The following AGTPBP1 variants were observed in gnomAD, a reference collection of about 807,000 sequenced individuals.
AGTPBP1 encodes the protein ATP/GTP binding carboxypeptidase 1.
In AGTPBP1, 70 loss-of-function variants were observed where a neutral mutation model predicts 143.9. The ratio of observed to expected loss-of-function variants is 0.49; its 90% CI spans 0.40 to 0.59. AGTPBP1 has a LOEUF of 0.59. AGTPBP1 is among the 20% of genes least tolerant of loss of function. AGTPBP1 has a pLI of 0.00. For missense variants in AGTPBP1, 1,229 were observed against 1,464.5 expected (o/e 0.84, Z 2.62); for synonymous variants, 463 against 500.2 (o/e 0.93, Z 0.99).
At chr9:85,621,525 C>G (rs1362621905) in intron 14 of AGTPBP1, among the ~76,000 whole-genome samples, 3 of 129,606 alleles carry the variant, frequency 2.3e-5, no homozygotes, top group Non-Finnish European at 4.5e-5. Flanking sequence ...CAAGTCCAAT[C>G]ATTTAAAAAA....
upstream of AGTPBP1, among the ~76,000 whole-genome samples, chr9:85,745,548 G>A (rs534605759): frequency 2.6e-5 from 4 of 152,324 alleles, no homozygotes; most frequent in East Asian, 1.9e-4. Flanking sequence ...TAGTACAAAC[G>A]ACCAGAGCTG....
the AGTPBP1 span, among the ~76,000 whole-genome samples, chr9:85,804,657 G>C: frequency 6.6e-6 from 1 of 152,216 alleles, no homozygotes; most frequent in Non-Finnish European, 1.5e-5. Flanking sequence ...GCTGGGTGCC[G>C]GCTCTGCCGT....
intron 1 of AGTPBP1, among the ~76,000 whole-genome samples, chr9:85,718,809 A>C (rs1032710547): frequency 6.6e-6 from 1 of 152,152 alleles, no homozygotes; most frequent in Admixed American, 6.5e-5. Flanking sequence ...TAGGTCTTAC[A>C]CTTAAGTCTT....
intron 17 of AGTPBP1, among the ~76,000 whole-genome samples, chr9:85,597,126 AT>A (rs929422217): frequency 4.0e-5 from 6 of 151,102 alleles, no homozygotes; most frequent in Non-Finnish European, 7.4e-5. Context: ...GGATAGAGTC[AT>A]TTTTTTTTCC....
At chr9:85,795,164 G>A in the AGTPBP1 span, among the ~76,000 whole-genome samples, 4 of 152,084 alleles carry the variant, frequency 2.6e-5, no homozygotes, top group African/African-American at 9.7e-5. Context: ...TTTATTTCTA[G>A]GTTAAGGGTG....
chr9:85,734,332 A>G (rs566155077), intron 1 of AGTPBP1, among the ~76,000 whole-genome samples: 5 of 142,980 alleles, frequency 3.5e-5, no homozygotes, highest in African/African-American at 1.3e-4. Flanking sequence ...CAAAATACTT[A>G]AAAAAAAAAA....
intron 24 of AGTPBP1, among the ~76,000 whole-genome samples, chr9:85,576,396 GTTAC>G (rs1827903551): frequency 6.6e-6 from 1 of 152,074 alleles, no homozygotes; most frequent in African/African-American, 2.4e-5. Context: ...TTTAACAACT[GTTAC>G]TTACTCTACA....
At position 85,566,529 on chromosome 9, in the gene AGTPBP1, C is replaced by CAAA. The variant is rs72129899; in HGVS notation, c.3503+8783_3503+8785dup. 5.4e-4 allele frequency among the ~76,000 whole-genome samples: 42 copies of CAAA among 78,482 alleles called. 2 individuals carry two copies. Among genetic ancestry groups the CAAA allele is most frequent in the East Asian group, 1.1e-3 (3 of 2,616 alleles). The allele number at this position is 78,482 out of a possible 152,430, so 51.5% of individuals were successfully genotyped here. On this transcript the variant is annotated intron_variant, in intron 25 of 25. Transcript: ENST00000357081. ...TGGGCAACAGATCAAGACCATGTCT[C>CAAA]AAAAAAAAAAAAAAAAAAAAGGCTG...
chr9:85,583,471 G>C (rs1033194340), intron 23 of AGTPBP1, among the ~76,000 whole-genome samples: 1 of 152,108 alleles, frequency 6.6e-6, no homozygotes, highest in Admixed American at 6.6e-5. Context: ...CACAACTACT[G>C]GTGAGGGGAG....
chr9:85,681,169 A>G lies in AGTPBP1; in HGVS notation c.225+99T>C, dbSNP rs1835146463. 8.5e-6 allele frequency: 9 copies of G among 1,059,224 alleles called. No homozygotes were observed. In the South Asian group the frequency reaches 1.2e-4, roughly 15 times the overall value. The allele number at this position is 1,059,224 out of a possible 1,614,324, so 65.6% of individuals were successfully genotyped here. On this transcript the variant is annotated intron_variant, in intron 4 of 25. Coordinates refer to ENST00000357081, the MANE Select transcript of AGTPBP1 (RefSeq NM_001330701.2). ...TGTGTGTGTATATATGTACGTGTGT[A>G]TGTGTTTCTGTGTGTATTTATACAC...
upstream of AGTPBP1, among the ~76,000 whole-genome samples, chr9:85,745,861 T>A (rs1246822642): frequency 6.6e-6 from 1 of 152,152 alleles, no homozygotes; most frequent in Non-Finnish European, 1.5e-5. Flanking sequence ...TTCTCTTTAA[T>A]GAAAAGCAGC....
chr9:85,682,621 CA>C (rs910645690), intron 3 of AGTPBP1, among the ~76,000 whole-genome samples: 4 of 152,300 alleles, frequency 2.6e-5, no homozygotes, highest in African/African-American at 9.6e-5. Flanking sequence ...ACAATCAACC[CA>C]CTCTCAATAC....
At chr9:85,575,599 A>G in intron 24 of AGTPBP1, 124 bp from the exon 25 acceptor site, 1 of 745,994 alleles carries the variant, frequency 1.3e-6, no homozygotes, top group South Asian at 2.7e-5. Context: ...GGTACTTTGT[A>G]TGGAACTAGG....
At chr9:85,720,073 T>C (rs1245001036) in intron 1 of AGTPBP1, among the ~76,000 whole-genome samples, 1 of 152,350 alleles carries the variant, frequency 6.6e-6, no homozygotes, top group Non-Finnish European at 1.5e-5. Flanking sequence ...CAGTATTTTA[T>C]TGAGGATTTT....
chr9:85,595,049 G>A (rs1587703007), intron 18 of AGTPBP1, among the ~76,000 whole-genome samples: 1 of 152,142 alleles, frequency 6.6e-6, no homozygotes. Context: ...AATACAAGAT[G>A]TATTATGGTG....
intron 1 of AGTPBP1, among the ~76,000 whole-genome samples, chr9:85,726,243 C>A (rs112811879): frequency 0.01 from 1,422 of 137,746 alleles, 14 homozygotes; most frequent in African/African-American, 0.034. Flanking sequence ...AAAAAAAAAA[C>A]AAAAAACAAA....
chr9:85,773,264 C>CAAAAAAA, the AGTPBP1 span, among the ~76,000 whole-genome samples: 1 of 46,776 alleles, frequency 2.1e-5, no homozygotes, highest in Non-Finnish European at 3.4e-5. Flanking sequence ...GACTCCTTCT[C>CAAAAAAA]AAAAAAAAAA....
intron 13 of AGTPBP1, among the ~76,000 whole-genome samples, chr9:85,635,619 C>T (rs1363487111): frequency 6.6e-6 from 1 of 151,854 alleles, no homozygotes; most frequent in Non-Finnish European, 1.5e-5. Context: ...GAAGGGATCC[C>T]TATGTGATAA....
chr9:85,651,933 C>T (rs1392010230), intron 11 of AGTPBP1, among the ~76,000 whole-genome samples: 1 of 152,078 alleles, frequency 6.6e-6, no homozygotes, highest in Non-Finnish European at 1.5e-5. Flanking sequence ...GATCTTTGTC[C>T]CAGGTTCCTG....
Sources: gnomAD v4.1 joint callset for allele counts (sites outside exome capture counted in the v4.1 genomes callset) on GRCh38, gnomAD v4.1.1 for gene constraint, MANE v1.5 for transcripts, NCBI Gene and HGNC (gene_info 2026-07-23, HGNC 2026-07-21) for gene names.